The following DCXR variants were observed in gnomAD, a reference collection of about 807,000 sequenced individuals.
The protein encoded by DCXR is dicarbonyl and L-xylulose reductase.
Under a neutral mutation model 25.9 loss-of-function variants are expected in DCXR, and 24 were observed. That is an observed-to-expected ratio of 0.93 (90% confidence interval 0.67 to 1.30). The LOEUF is 1.30. DCXR is among the 50% of genes most tolerant of loss of function. The pLI, the probability that DCXR is intolerant of heterozygous loss-of-function variation, is 0.00. For synonymous variants in DCXR, 161 were observed against 141.7 expected, an observed-to-expected ratio of 1.14 and a Z score of -0.97; for missense variants, 348 against 333.7, an observed-to-expected ratio of 1.04 and a Z score of -0.33.
Position 82,037,614 on chromosome 17 carries a change from C to A in DCXR, c.52+17G>T. 6.4e-7 allele frequency: 1 copy of A among 1,571,924 alleles called. No homozygotes were observed. The highest frequency in any genetic ancestry group is 8.6e-7 in the Non-Finnish European group (1 of 1,166,744). On this transcript the variant is annotated intron_variant, in intron 1 of 7. Transcript: ENST00000306869. ...CTGCCCGCCGCCGGCCTTTGCCCAC[C>A]TTTCCCCGCCGCCCACCTTTGCCTG...
intron 2 of DCXR, 47 bp downstream of exon 2, chr17:82,037,403 C>T: frequency 1.3e-6 from 2 of 1,499,894 alleles, no homozygotes; most frequent in South Asian, 1.2e-5. Flanking sequence ...CGCTGCCGCC[C>T]CCTCCTGGCT....
chr17:82,037,135 G>A (rs1413247041), intron 2 of DCXR, 122 bp from the exon 3 acceptor site: 6 of 1,293,598 alleles, frequency 4.6e-6, no homozygotes, highest in Non-Finnish European at 6.4e-6. Flanking sequence ...AAGGTGTCGG[G>A]ACTGTGGGGC....
Position 82,037,485 on chromosome 17 carries a change from G to C in DCXR, c.115C>G (p.Arg39Gly). 7 of 1,536,814 alleles carry C rather than the reference G, an allele frequency of 4.6e-6. No individual in the cohort carries two copies. The highest frequency in any genetic ancestry group is 6.1e-6 in the Non-Finnish European group (7 of 1,148,692). The change falls in exon 2 of 8, where the codon CGG (arginine) becomes GGG (glycine). Residue 39 changes from arginine to glycine, a missense_variant. Coordinates refer to ENST00000306869, the MANE Select transcript of DCXR (RefSeq NM_016286.4). Reference sequence around the variant, plus strand: ...AGGCTGTCAAGATCCGCCTGAGTCCGGCTCACAGCCACCACCCGCGCGCCC... The same window carrying C: ...AGGCTGTCAAGATCCGCCTGAGTCCCGCTCACAGCCACCACCCGCGCGCCC... ...ATGARVVAVSRTQADLDSLVR... is the reference protein window; with the variant it reads ...ATGARVVAVSGTQADLDSLVR...
chr17:82,036,335 G>A (rs760474627), intron 6 of DCXR, 27 bp from the exon 7 acceptor site: 3 of 1,613,302 alleles, frequency 1.9e-6, no homozygotes, highest in African/African-American at 2.7e-5. Flanking sequence ...GGGGTCAGCA[G>A]GGCAAGTGGG....
chr17:82,036,480 G>A, intron 5 of DCXR, 32 bp from the exon 6 acceptor site: 2 of 1,613,146 alleles, frequency 1.2e-6, no homozygotes, highest in Non-Finnish European at 1.7e-6. Context: ...GGCTGGGGCT[G>A]GGGTCGGTGA....
chr17:82,036,990 G>A lies in DCXR; in HGVS notation c.174C>T (p.Cys58=), dbSNP rs748483401. The A allele has an allele frequency of 6.3e-7, 1 of 1,575,332 alleles. No homozygotes were observed. Among genetic ancestry groups the A allele is most frequent in the South Asian group, 1.2e-5 (1 of 86,852 alleles). ...TGGCCTCCCAGTCACCCAGGTCCAC[G>A]CACACGGGTTCTATCCCCGGGCACT... is the stretch of plus-strand genomic sequence containing the variant. The part of the protein sequence containing the change: ...VRECPGIEPV[C]VDLGDWEATE... Residue 58 remains cysteine (C), a synonymous_variant, in exon 3 of 8, where the codon TGC becomes TGT. Coordinates refer to ENST00000306869, the MANE Select transcript of DCXR (RefSeq NM_016286.4).
rs2043485167 is a variant in DCXR at position 82,035,911 on chromosome 17, T to C, written c.*49A>G. The C allele has an allele frequency of 2.0e-6, 3 of 1,469,458 alleles. No homozygotes were observed. The highest frequency in any genetic ancestry group is 3.4e-4 in the Middle Eastern group (2 of 5,808). 91.0% of individuals were successfully genotyped at this position (1,469,458 alleles called of 1,614,324 possible). ...AGCAGAATCAGGTTTATTGGAGGGA[T>C]TGGGGGTAGGATGAGCACGGCATGG... On this transcript the variant is annotated 3_prime_UTR_variant, in exon 8 of 8. Transcript: ENST00000306869.
At position 82,036,320 on chromosome 17, in the gene DCXR, C is replaced by T. The variant is rs1463366632; in HGVS notation, c.514-12G>A. On this transcript the variant is annotated splice_polypyrimidine_tract_variant and intron_variant, in intron 6 of 7. Transcript: ENST00000306869. ...GCATTCACTCGGATCTACACCGGGA[C>T]AGCTGGGGTCAGCAGGGCAAGTGGG... is the stretch of plus-strand genomic sequence containing the variant. The T allele has an allele frequency of 8.7e-6, 14 of 1,613,300 alleles. No homozygotes were observed. The highest frequency in any genetic ancestry group is 1.0e-5 in the Non-Finnish European group (12 of 1,180,010).
In DCXR at chr17:82,036,031, GAA is replaced by G. The variant is rs779977716; in HGVS notation, c.662_663del (p.Phe221SerfsTer4). The G allele has an allele frequency of 1.2e-6, 2 of 1,613,364 alleles. No individual in the cohort carries two copies. The highest frequency in any genetic ancestry group is 8.5e-7 in the Non-Finnish European group (1 of 1,180,020). The part of the protein sequence containing the change: ...EVEHVVNAIL[F>X]LLSDRSGMTT... ...GTCATGCCACTTCGGTCACTCAGCA[GAA>G]AGAGGATGGCGTTCACCACGTGCTC... is the stretch of plus-strand genomic sequence containing the variant. On this transcript the variant is annotated frameshift_variant, in exon 8 of 8. Transcript: ENST00000306869. LOFTEE classifies it high-confidence loss of function.
chr17:82,037,585 G>T, intron 1 of DCXR, 38 bp from the exon 2 acceptor site: 1 of 1,551,356 alleles, frequency 6.4e-7, no homozygotes, highest in Non-Finnish European at 8.7e-7. Flanking sequence ...TCCCCTGCCC[G>T]CCTCTGCCCG....
rs773008120 is a variant in DCXR at position 82,037,486 on chromosome 17, G to A, written c.114C>T (p.Ser38=). The A allele has an allele frequency of 2.2e-5, 34 of 1,536,944 alleles. 1 individual carries two copies. The Admixed American group carries it at 4.4e-4, about 20-fold the overall frequency. ...GGCTGTCAAGATCCGCCTGAGTCCGGCTCACAGCCACCACCCGCGCGCCCG... is the reference window on the plus strand; with the variant it reads ...GGCTGTCAAGATCCGCCTGAGTCCGACTCACAGCCACCACCCGCGCGCCCG... ...HATGARVVAV[S]RTQADLDSLV... is the part of the protein sequence containing the mutation. Residue 38 remains serine (S), a synonymous_variant, in exon 2 of 8, where the codon AGC becomes AGT. Transcript: ENST00000306869.
rs61746217 is a variant in DCXR, at chr17:82,036,043, C to A, written c.652G>T (p.Ala218Ser). Residue 218 changes from alanine to serine, a missense_variant, in exon 8 of 8, where the codon GCC becomes TCC. Ala to Ser is a moderately conservative substitution (Grantham distance 99). Transcript: ENST00000306869. ...CGGTCACTCAGCAGAAAGAGGATGG[C>A]GTTCACCACGTGCTCTACCTCTGTG... ...KFAEVEHVVN[A>S]ILFLLSDRSG... The A allele has an allele frequency of 1.2e-6, 2 of 1,613,102 alleles. No homozygotes were observed. The highest frequency in any genetic ancestry group is 1.7e-6 in the Non-Finnish European group (2 of 1,179,996).
rs940396241 is a variant in DCXR at position 82,035,878 on chromosome 17, G to A, written c.*82C>T. 10 of 1,286,344 alleles carry A rather than the reference G, an allele frequency of 7.8e-6. No homozygotes were observed. The highest frequency in any genetic ancestry group is 7.3e-5 in the Admixed American group (4 of 54,862). The allele number at this position is 1,286,344 out of a possible 1,614,324, so 79.7% of individuals were successfully genotyped here. On this transcript the variant is annotated 3_prime_UTR_variant, in exon 8 of 8. Coordinates refer to ENST00000306869, the MANE Select transcript of DCXR (RefSeq NM_016286.4). ...GCTGGCAGCCTAGGAATAGCACATA[G>A]TCTGGGCAGCAGAATCAGGTTTATT... is the stretch of plus-strand genomic sequence containing the variant.
intron 5 of DCXR, 37 bp from the exon 6 acceptor site, chr17:82,036,485 C>A (rs1214236836): frequency 1.2e-6 from 2 of 1,612,054 alleles, no homozygotes; most frequent in Non-Finnish European, 1.7e-6. Context: ...GGGCTGGGGT[C>A]GGTGATGAGG....
chr17:82,035,959 C>T lies in DCXR; in HGVS notation c.*1G>A, dbSNP rs367666668. 1 of 1,612,148 alleles carries T rather than the reference C, an allele frequency of 6.2e-7. No individual in the cohort carries two copies. The highest frequency in any genetic ancestry group is 1.3e-5 in the African/African-American group (1 of 75,034). On this transcript the variant is annotated 3_prime_UTR_variant, in exon 8 of 8. Coordinates refer to ENST00000306869, the MANE Select transcript of DCXR (RefSeq NM_016286.4). ...TGGGGCTTGAGGTGTGTGGAGGGAGCTCAGCAGGCCCAGAAGCCCCCTTCC... is the reference window on the plus strand; with the variant it reads ...TGGGGCTTGAGGTGTGTGGAGGGAGTTCAGCAGGCCCAGAAGCCCCCTTCC...
At chr17:82,036,817 G>C (rs1212785863) in intron 3 of DCXR, 42 bp downstream of exon 3, 1 of 1,613,454 alleles carries the variant, frequency 6.2e-7, no homozygotes, top group East Asian at 2.2e-5. Context: ...GCGTCCTCCA[G>C]GACAGCCCCT....
chr17:82,037,065 C>G (rs2043501295), intron 2 of DCXR, 52 bp from the exon 3 acceptor site: 2 of 1,545,478 alleles, frequency 1.3e-6, no homozygotes, highest in Admixed American at 3.9e-5. Flanking sequence ...GCAAGCGGCA[C>G]AGCTGGGGAC....
rs771427619 is a variant in DCXR at position 82,037,473 on chromosome 17, C to A, written c.127G>T (p.Asp43Tyr). The A allele has an allele frequency of 2.9e-5, 45 of 1,533,068 alleles. No individual in the cohort carries two copies. In the East Asian group the frequency reaches 9.9e-4, roughly 34 times the overall value. 95.0% of individuals were successfully genotyped at this position (1,533,068 alleles called of 1,614,324 possible). ...ACCTCGCGGACAAGGCTGTCAAGATCCGCCTGAGTCCGGCTCACAGCCACC... is the reference window on the plus strand; with the variant it reads ...ACCTCGCGGACAAGGCTGTCAAGATACGCCTGAGTCCGGCTCACAGCCACC... ...RVVAVSRTQA[D>Y]LDSLVRECPG... The change falls in exon 2 of 8, where the codon GAT becomes TAT. Residue 43 changes from aspartate to tyrosine, a missense_variant. Asp to Tyr is a radical substitution (Grantham distance 160). Coordinates refer to ENST00000306869, the MANE Select transcript of DCXR (RefSeq NM_016286.4).
rs770796308 is a variant in DCXR, at chr17:82,036,040, T to G, written c.655A>C (p.Ile219Leu). 1.2e-6 allele frequency: 2 copies of G among 1,613,292 alleles called. No individual in the cohort carries two copies. The highest frequency in any genetic ancestry group is 1.7e-6 in the Non-Finnish European group (2 of 1,179,994). Residue 219 changes from isoleucine to leucine, a missense_variant, in exon 8 of 8, where the codon ATC becomes CTC. Coordinates refer to ENST00000306869, the MANE Select transcript of DCXR (RefSeq NM_016286.4). ...CTTCGGTCACTCAGCAGAAAGAGGA[T>G]GGCGTTCACCACGTGCTCTACCTCT... ...FAEVEHVVNA[I>L]LFLLSDRSGM...
Sources: allele counts gnomAD v4.1 joint callset, GRCh38; gene constraint gnomAD v4.1.1; transcripts MANE v1.5; gene names NCBI Gene and HGNC (gene_info 2026-07-23, HGNC 2026-07-21).